CUBN: variants seen among roughly 807,000 people sequenced by gnomAD.
The protein encoded by CUBN is 460 kDa receptor.
CUBN carries 282 observed loss-of-function variants against 405.3 expected under a neutral mutation model. The ratio of observed to expected loss-of-function variants is 0.70; its 90% CI spans 0.63 to 0.77. The LOEUF is 0.77. CUBN is among the 30% of genes least tolerant of loss of function. The probability of loss-of-function intolerance (pLI) is 0.00; values close to 1 mark genes in which losing one functional copy is unlikely to be tolerated. For missense variants in CUBN, 4,514 were observed against 4,475.2 expected (o/e 1.01, Z -0.25); for synonymous variants, 1,684 against 1,617.0 (o/e 1.04, Z -0.99).
At chr10:16,851,479 A>C (rs760393278) in intron 59 of CUBN, 36 bp from the exon 60 acceptor site, 1 of 1,569,224 alleles carries the variant, frequency 6.4e-7, no homozygotes, top group Admixed American at 1.7e-5. Flanking sequence ...TGCAGACCAA[A>C]CAGAACCGAC....
At position 17,044,948 on chromosome 10, in the gene CUBN, G is replaced by T. The variant is rs1035445380; in HGVS notation, c.3672+59C>A. ...CTGAATCTCGAAAATAAAAATAAGT[G>T]CATTGTGCGTTGGGTGAGATGGGAG... On this transcript the variant is annotated intron_variant, in intron 25 of 66. Coordinates refer to ENST00000377833, the MANE Select transcript of CUBN (RefSeq NM_001081.4). 4 of 1,465,584 alleles carry T rather than the reference G, an allele frequency of 2.7e-6. No homozygotes were observed. The African/African-American group carries it at 5.6e-5, about 20-fold the overall frequency. The allele number at this position is 1,465,584 out of a possible 1,614,324, so 90.8% of individuals were successfully genotyped here.
intron 40 of CUBN, among the ~76,000 whole-genome samples, chr10:16,931,762 A>C (rs745752997): frequency 2.0e-5 from 3 of 152,254 alleles, no homozygotes; most frequent in Non-Finnish European, 4.4e-5. Flanking sequence ...AAAGCCACAC[A>C]GGAAAAAAGG....
chr10:17,094,278 G>A (rs1405509116), intron 14 of CUBN, among the ~76,000 whole-genome samples: 1 of 152,062 alleles, frequency 6.6e-6, no homozygotes, highest in African/African-American at 2.4e-5. Context: ...TATTCTTAGA[G>A]AGCTAATAGG....
chr10:16,891,066 G>A (rs1006170275), intron 54 of CUBN, among the ~76,000 whole-genome samples: 5 of 152,202 alleles, frequency 3.3e-5, no homozygotes, highest in African/African-American at 1.2e-4. Flanking sequence ...CCATTTTGAT[G>A]AAAAGCTGAC....
chr10:17,054,603 C>T (rs1835348786), intron 22 of CUBN, among the ~76,000 whole-genome samples: 1 of 151,092 alleles, frequency 6.6e-6, no homozygotes, highest in Admixed American at 6.6e-5. Context: ...AGAAAAAAAA[C>T]ACAAATTACC....
chr10:17,025,278 A>T (rs1397199654), intron 27 of CUBN, among the ~76,000 whole-genome samples: 1 of 152,188 alleles, frequency 6.6e-6, no homozygotes, highest in East Asian at 1.9e-4. Flanking sequence ...TTTTGAAGTG[A>T]GTGTCACTAA....
At chr10:16,854,910 TTTCC>T (rs200872755) in intron 59 of CUBN, among the ~76,000 whole-genome samples, 150 of 150,476 alleles carry the variant, frequency 1.0e-3, no homozygotes, top group Middle Eastern at 6.8e-3. Flanking sequence ...TCCTCCCTCC[TTTCC>T]TTCCTTCCTT....
At chr10:17,068,411 C>T (rs767757909) in intron 20 of CUBN, 131 bp from the exon 21 acceptor site, 4 of 1,007,346 alleles carry the variant, frequency 4.0e-6, no homozygotes, top group Non-Finnish European at 6.0e-6. Context: ...TTAAGATAAC[C>T]TGATTTTTCT....
intron 6 of CUBN, among the ~76,000 whole-genome samples, chr10:17,120,706 AG>A (rs887244946): frequency 2.0e-5 from 3 of 152,224 alleles, no homozygotes; most frequent in South Asian, 2.1e-4. Flanking sequence ...AAATAGTAAA[AG>A]GGTTTTTGTT....
chr10:16,928,296 A>G lies in CUBN; in HGVS notation c.6132T>C (p.Asn2044=). 6.2e-7 allele frequency: 1 copy of G among 1,613,834 alleles called. No individual in the cohort carries two copies. Among genetic ancestry groups the G allele is most frequent in the Non-Finnish European group, 8.5e-7 (1 of 1,179,860 alleles). ...GAACTGCTAGCTGCTGGGCCAAGTT[A>G]TTATCTCCTACGTTGAAAGAAAGGG... ...YDSLVIRDGD[N]NLAQQLAVLC... Residue 2044 remains asparagine, a synonymous_variant, in exon 41 of 67, where the codon AAT becomes AAC. Coordinates refer to ENST00000377833, the MANE Select transcript of CUBN (RefSeq NM_001081.4).
chr10:17,110,760 T>A (rs536055379), intron 9 of CUBN, among the ~76,000 whole-genome samples, 159 bp downstream of exon 9: 1 of 152,314 alleles, frequency 6.6e-6, no homozygotes, highest in South Asian at 2.1e-4. Flanking sequence ...CGACCTCATG[T>A]GATCTGCCCA....
At chr10:16,829,938 T>TG (rs1390742032) in intron 65 of CUBN, among the ~76,000 whole-genome samples, 2,726 of 147,562 alleles carry the variant, frequency 0.018, 61 homozygotes, top group African/African-American at 0.057. Context: ...GTTTTTTTTG[T>TG]TTTGTTTTTT....
In CUBN at chr10:16,888,862, C is replaced by T. The variant is rs116842866; in HGVS notation, c.8756-296G>A. Among the ~76,000 whole-genome samples, 3,842 of 152,078 alleles carry T rather than the reference C, an allele frequency of 0.025. 68 individuals are homozygous for T. Among genetic ancestry groups the T allele is most frequent in the Non-Finnish European group, 0.04 (2,696 of 67,994 alleles). Reference sequence around the variant, plus strand: ...TATTAAGATATTAAGAAAGGATAAACGAGCAATGATAGAATATGGTTCATG... The same window carrying T: ...TATTAAGATATTAAGAAAGGATAAATGAGCAATGATAGAATATGGTTCATG... On this transcript the variant is annotated intron_variant, in intron 55 of 66. Coordinates refer to ENST00000377833, the MANE Select transcript of CUBN (RefSeq NM_001081.4).
chr10:16,969,494 A>G, intron 31 of CUBN, among the ~76,000 whole-genome samples: 1 of 152,116 alleles, frequency 6.6e-6, no homozygotes, highest in East Asian at 1.9e-4. Context: ...AGCTGGGACT[A>G]CAGGTATGCA....
chr10:16,874,519 A>G lies in CUBN; in HGVS notation c.9107-16T>C. On this transcript the variant is annotated splice_polypyrimidine_tract_variant and intron_variant, in intron 57 of 66. Transcript: ENST00000377833. ...CCACCACAGGCTGCAACAGAAGACA[A>G]GGGAATATGAAGAGAACAACGATTA... The G allele has an allele frequency of 6.2e-7, 1 of 1,614,092 alleles. No individual in the cohort carries two copies. The highest frequency in any genetic ancestry group is 8.5e-7 in the Non-Finnish European group (1 of 1,179,934).
chr10:16,920,002 A>C lies in CUBN; in HGVS notation c.6782T>G (p.Leu2261Arg), dbSNP rs779959064. 6.2e-7 allele frequency: 1 copy of C among 1,613,898 alleles called. No individual in the cohort carries two copies. The highest frequency in any genetic ancestry group is 8.5e-7 in the Non-Finnish European group (1 of 1,179,976). Residue 2261 changes from leucine to arginine, a missense_variant, in exon 44 of 67, where the codon CTG becomes CGG. Transcript: ENST00000377833. ...AATATCGAATCGATCTTCAAATTGC[A>C]GCTGTATGCGTGTTTCCGGTGGAGC... ...LAAPPETRIQ[L>R]QFEDRFDIEV...
intron 31 of CUBN, among the ~76,000 whole-genome samples, chr10:16,963,175 TTC>T (rs1344278624): frequency 3.6e-4 from 46 of 127,456 alleles, no homozygotes; most frequent in African/African-American, 1.4e-3. Flanking sequence ...CATTTCTTTT[TTC>T]TTTTCTTTTC....
rs778952795 is a variant in CUBN, at chr10:16,888,511, T to C, written c.8811A>G (p.Pro2937=). The part of the protein sequence containing the change: ...PSGYIISPNY[P]KQYDNNMNCT... ...AATTCATGTTGTTGTCATATTGTTTTGGGTAATTTGGAGAAATGATGTAAC... is the reference window on the plus strand; with the variant it reads ...AATTCATGTTGTTGTCATATTGTTTCGGGTAATTTGGAGAAATGATGTAAC... Residue 2937 remains proline, a synonymous_variant, in exon 56 of 67, where the codon CCA becomes CCG. Coordinates refer to ENST00000377833, the MANE Select transcript of CUBN (RefSeq NM_001081.4). 2.0e-5 allele frequency: 33 copies of C among 1,613,614 alleles called. No individual in the cohort carries two copies. Among genetic ancestry groups the C allele is most frequent in the Admixed American group, 3.3e-5 (2 of 60,002 alleles).
chr10:16,833,891 A>G (rs1183346005), intron 64 of CUBN, among the ~76,000 whole-genome samples: 1 of 152,154 alleles, frequency 6.6e-6, no homozygotes. Context: ...GAAAAAAAAT[A>G]AAATAAAAAA....
Sources: gnomAD v4.1 joint callset for allele counts (sites outside exome capture counted in the v4.1 genomes callset) on GRCh38, gnomAD v4.1.1 for gene constraint, MANE v1.5 for transcripts, NCBI Gene and HGNC (gene_info 2026-07-23, HGNC 2026-07-21) for gene names.